FAM185A: variants seen among roughly 807,000 people sequenced by gnomAD.
FAM185A encodes protein FAM185A.
Under a neutral mutation model 45.7 loss-of-function variants are expected in FAM185A, and 21 were observed. The ratio of observed to expected loss-of-function variants is 0.46; its 90% CI spans 0.33 to 0.66. The LOEUF is 0.66. Among genes scored for constraint, FAM185A ranks in the 30% least tolerant of loss-of-function variants. The pLI is 0.03. For missense variants in FAM185A, 305 were observed against 485.4 expected (o/e 0.63, Z 3.49); for synonymous variants, 117 against 194.0 (o/e 0.60, Z 3.30).
intron 7 of FAM185A, among the ~76,000 whole-genome samples, chr7:102,801,661 A>G (rs1243662301): frequency 6.6e-6 from 1 of 152,254 alleles, no homozygotes; most frequent in Admixed American, 6.5e-5. Flanking sequence ...GCAGTGGCTC[A>G]TGCCTATAAT....
intron 6 of FAM185A, among the ~76,000 whole-genome samples, chr7:102,783,763 A>G (rs1795573648): frequency 6.6e-6 from 1 of 152,168 alleles, no homozygotes. Flanking sequence ...CTAACATCAC[A>G]ATTAAAAGAA....
At chr7:102,787,767 C>G (rs1795899400) in intron 7 of FAM185A, among the ~76,000 whole-genome samples, 1 of 152,142 alleles carries the variant, frequency 6.6e-6, no homozygotes, top group Admixed American at 6.5e-5. Context: ...AAACTGAATA[C>G]ATATATTATA....
intron 7 of FAM185A, among the ~76,000 whole-genome samples, chr7:102,803,345 G>T (rs933767439): frequency 1.3e-5 from 2 of 152,154 alleles, no homozygotes; most frequent in African/African-American, 2.4e-5. Flanking sequence ...GATCAAGTGG[G>T]TTCCATACCA....
At chr7:102,826,724 C>CTCAT in the FAM185A span, among the ~76,000 whole-genome samples, 22 of 62,708 alleles carry the variant, frequency 3.5e-4, no homozygotes, top group African/African-American at 9.6e-4. Context: ...GACCCTGTCT[C>CTCAT]ATATATATAT....
the FAM185A span, among the ~76,000 whole-genome samples, chr7:102,839,019 G>A: frequency 2.0e-5 from 3 of 152,216 alleles, no homozygotes; most frequent in Admixed American, 6.5e-5. Flanking sequence ...CCTGCCCCTG[G>A]AAACGGCATG....
intron 5 of FAM185A, among the ~76,000 whole-genome samples, chr7:102,774,699 GATC>G (rs897672772): frequency 6.6e-6 from 1 of 152,046 alleles, no homozygotes; most frequent in Non-Finnish European, 1.5e-5. Context: ...TTATTGAAAT[GATC>G]ATTTTTCTTT....
chr7:102,783,787 A>G (rs1281790041), intron 6 of FAM185A, among the ~76,000 whole-genome samples: 1 of 152,200 alleles, frequency 6.6e-6, no homozygotes, highest in Non-Finnish European at 1.5e-5. Context: ...GAGAAGCAAG[A>G]GCAAACACAT....
chr7:102,816,124 C>T, the FAM185A span: 1 of 152,194 alleles, frequency 6.6e-6, no homozygotes, highest in African/African-American at 2.4e-5. Context: ...CTCTCCAGTC[C>T]ACCCACAGAC....
the FAM185A span, among the ~76,000 whole-genome samples, chr7:102,817,241 CT>C: frequency 5.3e-5 from 8 of 152,110 alleles, no homozygotes; most frequent in African/African-American, 1.9e-4. Flanking sequence ...AAAGCATTCC[CT>C]TTTTTCCACA....
At chr7:102,784,633 C>T (rs951614071) in intron 6 of FAM185A, among the ~76,000 whole-genome samples, 55 of 152,194 alleles carry the variant, frequency 3.6e-4, no homozygotes, top group Non-Finnish European at 2.6e-4. Context: ...AATTCAACAA[C>T]GCTTCATGCT....
At chr7:102,790,293 G>T (rs1483404713) in intron 7 of FAM185A, among the ~76,000 whole-genome samples, 1 of 152,132 alleles carries the variant, frequency 6.6e-6, no homozygotes, top group Non-Finnish European at 1.5e-5. Context: ...CAACCATTAG[G>T]ATGGCTACGA....
the FAM185A span, among the ~76,000 whole-genome samples, chr7:102,836,290 T>TGGTCTAAGGCTAAAAA: frequency 6.6e-6 from 1 of 152,248 alleles, no homozygotes; most frequent in African/African-American, 2.4e-5. Flanking sequence ...TCTAAGGCTT[T>TGGTCTAAGGCTAAAAA]ATGCTAAATC....
At chr7:102,768,634 A>G (rs1293016942) in intron 4 of FAM185A, among the ~76,000 whole-genome samples, 5 of 150,478 alleles carry the variant, frequency 3.3e-5, no homozygotes, top group Non-Finnish European at 7.4e-5. Flanking sequence ...TATGTGCTTG[A>G]ACCATAATCA....
At chr7:102,843,197 A>AG in the FAM185A span, among the ~76,000 whole-genome samples, 1 of 152,308 alleles carries the variant, frequency 6.6e-6, no homozygotes, top group Non-Finnish European at 1.5e-5. Flanking sequence ...TAACCCCAAC[A>AG]CTTTGGGAGG....
the FAM185A span, chr7:102,814,265 G>T: frequency 1.7e-3 from 262 of 152,208 alleles, no homozygotes; most frequent in African/African-American, 6.0e-3. Flanking sequence ...ACTTCTGTAC[G>T]ATTAGAAATG....
At chr7:102,762,322 G>A (rs1244146032) in intron 4 of FAM185A, among the ~76,000 whole-genome samples, 1 of 152,124 alleles carries the variant, frequency 6.6e-6, no homozygotes, top group Non-Finnish European at 1.5e-5. Flanking sequence ...AGGTAATATG[G>A]CAAAGGGCAT....
chr7:102,759,178 A>C (rs1241775949), intron 3 of FAM185A, among the ~76,000 whole-genome samples: 1 of 152,046 alleles, frequency 6.6e-6, no homozygotes, highest in Non-Finnish European at 1.5e-5. Context: ...GCCCCTTCAA[A>C]CTCAGTAAAT....
At chr7:102,773,581 G>T (rs2129436909) in intron 5 of FAM185A, among the ~76,000 whole-genome samples, 1 of 152,152 alleles carries the variant, frequency 6.6e-6, no homozygotes, top group East Asian at 1.9e-4. Context: ...CGTAGGTATG[G>T]CATTGCTGAG....
At chr7:102,806,275 C>T (rs928447142) in intron 7 of FAM185A, among the ~76,000 whole-genome samples, 2 of 152,164 alleles carry the variant, frequency 1.3e-5, no homozygotes, top group African/African-American at 4.8e-5. Flanking sequence ...GCCTCCGCCT[C>T]CAAGGTTCAA....
Sources: gnomAD v4.1 joint callset for allele counts (sites outside exome capture counted in the v4.1 genomes callset) on GRCh38, gnomAD v4.1.1 for gene constraint, MANE v1.5 for transcripts, NCBI Gene and HGNC (gene_info 2026-07-23, HGNC 2026-07-21) for gene names.